The following RBM19 variants were observed in gnomAD, a reference collection of about 807,000 sequenced individuals.
RBM19 encodes RNA binding motif protein 19.
A neutral mutation model predicts 116.8 loss-of-function variants in RBM19; 94 were observed. The observed-to-expected ratio is 0.80, with a 90% confidence interval of 0.68 to 0.95. The LOEUF (loss-of-function observed/expected upper bound fraction) is 0.95, where lower values mean the gene tolerates loss of function less well. Among genes scored for constraint, RBM19 ranks in the 40% least tolerant of loss-of-function variants. The probability of loss-of-function intolerance (pLI) is 0.00; values close to 1 mark genes in which losing one functional copy is unlikely to be tolerated. For missense variants in RBM19, 1,161 were observed against 1,220.7 expected (o/e 0.95, Z 0.73); for synonymous variants, 475 against 494.1 (o/e 0.96, Z 0.51).
chr12:113,853,232 A>G (rs1877605927), intron 22 of RBM19, among the ~76,000 whole-genome samples: 1 of 152,242 alleles, frequency 6.6e-6, no homozygotes. Context: ...GGAAGGAGAC[A>G]TTAACTGGTG....
intron 22 of RBM19, among the ~76,000 whole-genome samples, chr12:113,845,684 G>C (rs1242184995): frequency 2.0e-5 from 3 of 152,112 alleles, no homozygotes; most frequent in African/African-American, 2.4e-5. Context: ...TCATAGGAAC[G>C]GAATCATACG....
chr12:113,861,595 T>C (rs1593497813), intron 21 of RBM19, among the ~76,000 whole-genome samples: 1 of 151,236 alleles, frequency 6.6e-6, no homozygotes, highest in East Asian at 1.9e-4. Context: ...AAAGAGACTG[T>C]TGGGGTTAAT....
chr12:113,858,676 A>G, intron 22 of RBM19, 115 bp downstream of exon 22: 6 of 964,414 alleles, frequency 6.2e-6, no homozygotes, highest in Non-Finnish European at 9.7e-6. Flanking sequence ...AGGCAAAAAA[A>G]GAACACCTGC....
At position 113,962,148 on chromosome 12, in the gene RBM19, G is replaced by C. The variant is rs1466347389; in HGVS notation, c.219+84C>G. 3 of 1,484,532 alleles carry C rather than the reference G, an allele frequency of 2.0e-6. No individual in the cohort carries two copies. The Admixed American group carries it at 5.4e-5, about 27-fold the overall frequency. The allele number at this position is 1,484,532 out of a possible 1,614,324, so 92.0% of individuals were successfully genotyped here. A position where few individuals can be genotyped will look rare whatever the true frequency, so the allele number is the denominator to read the frequency against. On this transcript the variant is annotated intron_variant, in intron 2 of 23. Coordinates refer to ENST00000261741, the MANE Select transcript of RBM19 (RefSeq NM_016196.4). Reference sequence around the variant, plus strand: ...AAGACATCACAAAGTGAAGAGGGACGGTCTTTGAACTCAAGTGCTGAGTGA... The same window carrying C: ...AAGACATCACAAAGTGAAGAGGGACCGTCTTTGAACTCAAGTGCTGAGTGA...
In RBM19 at chr12:113,955,123, G is replaced by A. The variant is rs1290013736; in HGVS notation, c.921+8C>T. ...GGCTGCCGACCCTTGTCCTCAGTTA[G>A]CACATACCTCTGTGACATTGAACGG... On this transcript the variant is annotated splice_region_variant and intron_variant, in intron 7 of 23. Coordinates refer to ENST00000261741, the MANE Select transcript of RBM19 (RefSeq NM_016196.4). 1 of 1,613,798 alleles carries A rather than the reference G, an allele frequency of 6.2e-7. No homozygotes were observed. The highest frequency in any genetic ancestry group is 8.5e-7 in the Non-Finnish European group (1 of 1,179,846).
Position 113,950,079 on chromosome 12 carries a change from T to C in RBM19, c.1072+4A>G, listed in dbSNP as rs1760564658. On this transcript the variant is annotated splice_donor_region_variant and intron_variant, in intron 9 of 23. Coordinates refer to ENST00000261741, the MANE Select transcript of RBM19 (RefSeq NM_016196.4). ...GAGAGAGCACATGGCCAGGGCTTCC[T>C]TACCCATGTACTCCCGGTTGCATTT... The C allele has an allele frequency of 6.3e-7, 1 of 1,597,958 alleles. No homozygotes were observed.
At chr12:113,837,473 C>T (rs12578651) in intron 23 of RBM19, among the ~76,000 whole-genome samples, 1,621 of 152,270 alleles carry the variant, frequency 0.011, 14 homozygotes, top group Non-Finnish European at 0.018. Context: ...GTTGACTGCA[C>T]GTGATGTGCC....
rs1878129377 is a variant in RBM19, at chr12:113,858,791, CT to C, written c.2663del (p.Lys888ArgfsTer27). ...FVDFLTKQDA[K>X]RAFNALCHST... ...GTGGGGAAGGGATTCACGGTCTCAC[CT>C]TCGCATCCTGCTTGGTGAGGAAGTC... On this transcript the variant is annotated frameshift_variant and splice_region_variant, in exon 22 of 24. Transcript: ENST00000261741. LOFTEE classifies it high-confidence loss of function. The C allele has an allele frequency of 6.2e-7, 1 of 1,613,856 alleles. No homozygotes were observed. The highest frequency in any genetic ancestry group is 1.7e-5 in the Admixed American group (1 of 60,010).
At chr12:113,860,268 G>C (rs1441678596) in intron 21 of RBM19, among the ~76,000 whole-genome samples, 1 of 152,192 alleles carries the variant, frequency 6.6e-6, no homozygotes, top group Non-Finnish European at 1.5e-5. Context: ...GGCAGGTGGG[G>C]ACAAGGTGAG....
chr12:113,835,439 G>C (rs1875792458), intron 23 of RBM19, among the ~76,000 whole-genome samples: 1 of 152,178 alleles, frequency 6.6e-6, no homozygotes, highest in Admixed American at 6.5e-5. Flanking sequence ...TGTGGTACTC[G>C]AGGAGGACCA....
chr12:113,855,797 A>G (rs1460196734), intron 22 of RBM19, among the ~76,000 whole-genome samples: 1 of 152,118 alleles, frequency 6.6e-6, no homozygotes, highest in Non-Finnish European at 1.5e-5. Flanking sequence ...CACCCTCAAG[A>G]GCTAACTAGA....
intron 12 of RBM19, 152 bp from the exon 13 acceptor site, chr12:113,946,076 A>G (rs1870995051): frequency 2.5e-6 from 2 of 802,234 alleles, no homozygotes; most frequent in Non-Finnish European, 4.0e-6. Context: ...CAGGGCCTGA[A>G]GACAACAAGA....
At chr12:113,889,920 T>A (rs902824642) in intron 21 of RBM19, among the ~76,000 whole-genome samples, 1 of 151,024 alleles carries the variant, frequency 6.6e-6, no homozygotes, top group African/African-American at 2.4e-5. Context: ...AAAGGCGTAA[T>A]CGATCAGAGA....
intron 21 of RBM19, among the ~76,000 whole-genome samples, chr12:113,900,913 A>G (rs1215339785): frequency 6.6e-6 from 1 of 152,222 alleles, no homozygotes; most frequent in Non-Finnish European, 1.5e-5. Context: ...TTGGGGCTGC[A>G]TTCCCAGAGA....
intron 9 of RBM19, among the ~76,000 whole-genome samples, 175 bp from the exon 10 acceptor site, chr12:113,949,211 C>A (rs1195832158): frequency 3.9e-5 from 6 of 152,170 alleles, no homozygotes; most frequent in Non-Finnish European, 8.8e-5. Context: ...CAAGCCAACA[C>A]CAGGCCTGAA....
chr12:113,957,186 T>C (rs1179077376), intron 6 of RBM19, among the ~76,000 whole-genome samples: 1 of 152,214 alleles, frequency 6.6e-6, no homozygotes, highest in Non-Finnish European at 1.5e-5. Context: ...TGGACTAGCA[T>C]CTCACTTTTA....
At chr12:113,885,852 T>C (rs1442641567) in intron 21 of RBM19, among the ~76,000 whole-genome samples, 2 of 151,018 alleles carry the variant, frequency 1.3e-5, no homozygotes, top group Non-Finnish European at 3.0e-5. Context: ...TTTATATTGC[T>C]CCTCTCAGCT....
chr12:113,882,252 G>T (rs1052105082), intron 21 of RBM19, among the ~76,000 whole-genome samples: 1 of 152,192 alleles, frequency 6.6e-6, no homozygotes, highest in Non-Finnish European at 1.5e-5. Context: ...GGCACCAGGT[G>T]TCTTAAGGAG....
rs138988954 is a variant in RBM19 at position 113,899,120 on chromosome 12, T to C, written c.2558+15849A>G. 6.0e-4 allele frequency among the ~76,000 whole-genome samples: 91 copies of C among 152,338 alleles called. 1 individual carries two copies. The East Asian group carries it at 0.014, about 23-fold the overall frequency. Reference sequence around the variant, plus strand: ...TGAGAAACACTGTGATGGCCCAAGATTGCATGCAATGTTACTTTAGGAATG... The same window carrying C: ...TGAGAAACACTGTGATGGCCCAAGACTGCATGCAATGTTACTTTAGGAATG... On this transcript the variant is annotated intron_variant, in intron 21 of 23. Coordinates refer to ENST00000261741, the MANE Select transcript of RBM19 (RefSeq NM_016196.4).
Sources: gnomAD v4.1 joint callset for allele counts (sites outside exome capture counted in the v4.1 genomes callset) on GRCh38, gnomAD v4.1.1 for gene constraint, MANE v1.5 for transcripts, NCBI Gene and HGNC (gene_info 2026-07-23, HGNC 2026-07-21) for gene names.